The following ZNF536 variants were observed in gnomAD, a reference collection of about 807,000 sequenced individuals.
The protein encoded by ZNF536 is zinc finger protein 536.
Under a neutral mutation model 84.5 loss-of-function variants are expected in ZNF536, and 13 were observed. The ratio of observed to expected loss-of-function variants is 0.15; its 90% CI spans 0.10 to 0.24. The LOEUF (loss-of-function observed/expected upper bound fraction) is 0.24. Ranked by LOEUF, ZNF536 falls within the 10% of genes least tolerant of loss-of-function variation. ZNF536 has a pLI of 1.00. For missense variants in ZNF536, 1,536 were observed against 1,747.5 expected (o/e 0.88, Z 2.16); for synonymous variants, 811 against 742.5 (o/e 1.09, Z -1.50).
chr19:30,272,497 T>A (rs891812625), intron 1 of ZNF536, among the ~76,000 whole-genome samples: 1 of 152,224 alleles, frequency 6.6e-6, no homozygotes, highest in Non-Finnish European at 1.5e-5. Context: ...TTTTGACAAC[T>A]GTATTATGAC....
chr19:30,503,230 G>A (rs2055021976), intron 2 of ZNF536, among the ~76,000 whole-genome samples: 1 of 152,016 alleles, frequency 6.6e-6, no homozygotes, highest in African/African-American at 2.4e-5. Flanking sequence ...GACAACAAAT[G>A]TTTGCTAAAT....
chr19:30,393,645 C>A (rs747149872), intron 1 of ZNF536, among the ~76,000 whole-genome samples: 1 of 152,088 alleles, frequency 6.6e-6, no homozygotes, highest in Non-Finnish European at 1.5e-5. Flanking sequence ...CAGGGAAGAG[C>A]GTTCCAGGCA....
chr19:30,675,489 C>A (rs1235562522), intron 1 of ZNF536, among the ~76,000 whole-genome samples: 4 of 152,152 alleles, frequency 2.6e-5, no homozygotes, highest in Non-Finnish European at 5.9e-5. Context: ...GGAAGCAGAA[C>A]CAGAGTTTAG....
chr19:30,288,626 A>G (rs2045729642), intron 2 of ZNF536, among the ~76,000 whole-genome samples: 3 of 152,230 alleles, frequency 2.0e-5, no homozygotes, highest in South Asian at 2.1e-4. Context: ...CTTTGGAAGC[A>G]GATTTCCTGG....
chr19:30,633,412 T>A (rs183997558), intron 1 of ZNF536, among the ~76,000 whole-genome samples: 9 of 152,368 alleles, frequency 5.9e-5, no homozygotes, highest in African/African-American at 1.7e-4. Flanking sequence ...TAACTTTTTT[T>A]ATAAGAATAT....
intron 1 of ZNF536, among the ~76,000 whole-genome samples, chr19:30,420,787 A>G (rs1313174815): frequency 6.6e-6 from 1 of 152,180 alleles, no homozygotes; most frequent in Non-Finnish European, 1.5e-5. Flanking sequence ...AAAGGGAAAA[A>G]CAAGGTAGGT....
intron 1 of ZNF536, among the ~76,000 whole-genome samples, chr19:30,574,108 A>T (rs372832678): frequency 1.1e-4 from 16 of 152,366 alleles, no homozygotes; most frequent in African/African-American, 2.9e-4. Flanking sequence ...CCCACCTTTC[A>T]TACTAGCTGC....
At chr19:30,480,185 G>T (rs1310416047) in intron 2 of ZNF536, among the ~76,000 whole-genome samples, 1 of 152,170 alleles carries the variant, frequency 6.6e-6, no homozygotes, top group Non-Finnish European at 1.5e-5. Context: ...TGGAGATGAG[G>T]ATTCTGCTGG....
chr19:30,627,302 C>T (rs1446124508), intron 1 of ZNF536, among the ~76,000 whole-genome samples: 2 of 148,372 alleles, frequency 1.3e-5, no homozygotes, highest in African/African-American at 5.0e-5. Flanking sequence ...CCCATCTCTA[C>T]AAAAAAAAAT....
chr19:30,431,482 G>A (rs947085661), intron 1 of ZNF536, among the ~76,000 whole-genome samples: 1 of 152,178 alleles, frequency 6.6e-6, no homozygotes, highest in African/African-American at 2.4e-5. Context: ...TTATGTCTTC[G>A]ACAGGTGCCC....
intron 1 of ZNF536, among the ~76,000 whole-genome samples, chr19:30,697,636 A>G (rs1271633760): frequency 6.6e-6 from 1 of 152,192 alleles, no homozygotes; most frequent in African/African-American, 2.4e-5. Flanking sequence ...CACACAACCG[A>G]TAAGAGGCAG....
At chr19:30,498,614 A>G (rs80011541) in intron 2 of ZNF536, among the ~76,000 whole-genome samples, 1 of 151,958 alleles carries the variant, frequency 6.6e-6, no homozygotes, top group Non-Finnish European at 1.5e-5. Flanking sequence ...AATAAAAAAA[A>G]GTTTCAAATA....
intron 1 of ZNF536, among the ~76,000 whole-genome samples, chr19:30,614,942 ATTTTTTT>A (rs555419932): frequency 2.8e-4 from 9 of 32,314 alleles, no homozygotes; most frequent in East Asian, 3.0e-3. Context: ...CCCCTTTTCA[ATTTTTTT>A]TTTTTTTTTT....
intron 1 of ZNF536, among the ~76,000 whole-genome samples, chr19:30,431,708 G>A (rs941224085): frequency 2.0e-5 from 3 of 152,224 alleles, no homozygotes; most frequent in Non-Finnish European, 2.9e-5. Context: ...GAGCAGGGAG[G>A]TGTAGCCTGA....
chr19:30,287,204 T>C (rs2045659424), intron 2 of ZNF536, among the ~76,000 whole-genome samples: 1 of 122,458 alleles, frequency 8.2e-6, no homozygotes, highest in Non-Finnish European at 1.6e-5. Context: ...GGAGGATGGA[T>C]ACATAGATGG....
At chr19:30,284,478 G>T (rs1485647060) in intron 2 of ZNF536, among the ~76,000 whole-genome samples, 1 of 152,048 alleles carries the variant, frequency 6.6e-6, no homozygotes, top group Non-Finnish European at 1.5e-5. Flanking sequence ...TAAAGGCCGA[G>T]TGACCTCGTC....
chr19:30,474,765 A>G (rs562961851), intron 2 of ZNF536, among the ~76,000 whole-genome samples: 97 of 152,334 alleles, frequency 6.4e-4, no homozygotes, highest in Admixed American at 1.4e-3. Context: ...CATTATCAAA[A>G]TATTCAGACA....
chr19:30,684,562 AAGG>A (rs1427889160), intron 1 of ZNF536, among the ~76,000 whole-genome samples: 1 of 152,220 alleles, frequency 6.6e-6, no homozygotes, highest in Non-Finnish European at 1.5e-5. Context: ...ATTTTTGCTT[AAGG>A]GCAAAATCAT....
rs71173904 is a variant in ZNF536 at position 30,417,148 on chromosome 19, A to ATTTTTTT, written c.-2-26391_-2-26385dup. Reference sequence around the variant, plus strand: ...GCCACCACGCCAGGCTAATTTTTGTATTTTTTTTTTTTTTTTTTTTTTTTT... The same window carrying ATTTTTTT: ...GCCACCACGCCAGGCTAATTTTTGTATTTTTTTTTTTTTTTTTTTTTTTTTTTTTTTT... On this transcript the variant is annotated intron_variant, in intron 1 of 4. Coordinates refer to ENST00000355537, the MANE Select transcript of ZNF536 (RefSeq NM_014717.3). Among the ~76,000 whole-genome samples, 229 of 100,190 alleles carry ATTTTTTT rather than the reference A, an allele frequency of 2.3e-3. 11 individuals are homozygous for ATTTTTTT. Among genetic ancestry groups the ATTTTTTT allele is most frequent in the East Asian group, 0.012 (43 of 3,500 alleles). 65.7% of individuals were successfully genotyped at this position (100,190 alleles called of 152,430 possible).
Sources: gnomAD v4.1 joint callset for allele counts (sites outside exome capture counted in the v4.1 genomes callset) on GRCh38, gnomAD v4.1.1 for gene constraint, MANE v1.5 for transcripts, NCBI Gene and HGNC (gene_info 2026-07-23, HGNC 2026-07-21) for gene names.